The following NRCAM variants were observed in gnomAD, a reference collection of about 807,000 sequenced individuals.
The protein encoded by NRCAM is neuronal cell adhesion molecule.
In NRCAM, 83 loss-of-function variants were observed where a neutral mutation model predicts 156.5. The observed-to-expected ratio is 0.53, with a 90% CI of 0.44 to 0.64. The LOEUF is 0.64. NRCAM is among the 30% of genes least tolerant of loss of function. The probability of loss-of-function intolerance (pLI) is 0.00; values close to 1 mark genes in which losing one functional copy is unlikely to be tolerated. For synonymous variants in NRCAM, 538 were observed against 563.9 expected, an observed-to-expected ratio of 0.95 and a Z score of 0.65; for missense variants, 1,417 against 1,597.3, an observed-to-expected ratio of 0.89 and a Z score of 1.92.
At chr7:108,386,721 G>A (rs943426007) in intron 2 of NRCAM, among the ~76,000 whole-genome samples, 2 of 152,078 alleles carry the variant, frequency 1.3e-5, no homozygotes, top group South Asian at 4.1e-4. Context: ...AAGCATACAA[G>A]GTGTGTATGC....
Position 108,445,920 on chromosome 7 carries a change from A to T in NRCAM, c.-332+10323T>A, listed in dbSNP as rs1425678681. ...TAAAGCTACAGCATGAGAGCTTCTGATCTGTTTCACAAACCAGTCTCTTCA... is the reference window on the plus strand; with the variant it reads ...TAAAGCTACAGCATGAGAGCTTCTGTTCTGTTTCACAAACCAGTCTCTTCA... On this transcript the variant is annotated intron_variant, in intron 1 of 32. Coordinates refer to ENST00000379028, the MANE Select transcript of NRCAM (RefSeq NM_001037132.4). Among the ~76,000 whole-genome samples, 4 of 152,186 alleles carry T rather than the reference A, an allele frequency of 2.6e-5. No individual in the cohort carries two copies. The East Asian group carries it at 7.7e-4, about 29-fold the overall frequency.
intron 29 of NRCAM, among the ~76,000 whole-genome samples, chr7:108,168,068 G>T (rs958015312): frequency 6.6e-6 from 1 of 152,112 alleles, no homozygotes; most frequent in Non-Finnish European, 1.5e-5. Context: ...TATGCCCTCT[G>T]TTATTAATAA....
rs1219808874 is a variant in NRCAM, at chr7:108,456,401, G to A, written c.-490C>T. 6.6e-6 allele frequency: 1 copy of A among 150,920 alleles called. No homozygotes were observed. The highest frequency in any genetic ancestry group is 1.5e-5 in the Non-Finnish European group (1 of 67,562). 9.3% of individuals were successfully genotyped at this position (150,920 alleles called of 1,614,324 possible). A position where few individuals can be genotyped will look rare whatever the true frequency, so the allele number is the denominator to read the frequency against. ...CCGCGCGTCTGAGGCTCGGACTGCG[G>A]CGCGCGTCCGCCAGCGACCCTGGCG... On this transcript the variant is annotated 5_prime_UTR_variant, in exon 1 of 33. Transcript: ENST00000379028.
intron 2 of NRCAM, among the ~76,000 whole-genome samples, chr7:108,382,929 G>C: frequency 6.6e-6 from 1 of 152,158 alleles, no homozygotes; most frequent in South Asian, 2.1e-4. Context: ...TCATTTACTA[G>C]TTTGTGAATT....
At chr7:108,304,317 A>G (rs1450065363) in intron 3 of NRCAM, among the ~76,000 whole-genome samples, 1 of 151,934 alleles carries the variant, frequency 6.6e-6, no homozygotes, top group Non-Finnish European at 1.5e-5. Flanking sequence ...CCTACTGGTC[A>G]CCACTCTTTT....
chr7:108,158,319 T>C (rs1291442648), intron 32 of NRCAM, among the ~76,000 whole-genome samples: 1 of 152,088 alleles, frequency 6.6e-6, no homozygotes, highest in Non-Finnish European at 1.5e-5. Context: ...TATAAAAACT[T>C]AGGGGCTGAG....
At chr7:108,153,871 T>G (rs975838025) in intron 32 of NRCAM, among the ~76,000 whole-genome samples, 1 of 152,020 alleles carries the variant, frequency 6.6e-6, no homozygotes, top group Non-Finnish European at 1.5e-5. Flanking sequence ...CCAACAAAAA[T>G]ATGTGTAAGA....
chr7:108,427,057 A>G (rs923804977), intron 1 of NRCAM, among the ~76,000 whole-genome samples: 15 of 152,264 alleles, frequency 9.9e-5, no homozygotes, highest in African/African-American at 3.6e-4. Context: ...CTCAAGCCAG[A>G]GTTACTTACT....
intron 2 of NRCAM, among the ~76,000 whole-genome samples, chr7:108,377,198 T>C (rs1037139592): frequency 2.0e-5 from 3 of 152,104 alleles, no homozygotes; most frequent in Admixed American, 6.6e-5. Context: ...TGAAAATATA[T>C]CTGCATATTG....
chr7:108,389,927 G>T (rs1360892343), intron 2 of NRCAM, among the ~76,000 whole-genome samples: 1 of 152,124 alleles, frequency 6.6e-6, no homozygotes, highest in South Asian at 2.1e-4. Context: ...TGGTGGATAA[G>T]CTTTTTGATG....
At chr7:108,307,028 C>G (rs537897626) in intron 3 of NRCAM, among the ~76,000 whole-genome samples, 1 of 152,170 alleles carries the variant, frequency 6.6e-6, no homozygotes, top group Non-Finnish European at 1.5e-5. Flanking sequence ...GAAGAGCATT[C>G]CTCCTATGAA....
At chr7:108,169,906 C>G (rs1471963465) in intron 28 of NRCAM, among the ~76,000 whole-genome samples, 1 of 152,110 alleles carries the variant, frequency 6.6e-6, no homozygotes, top group East Asian at 1.9e-4. Context: ...AACACAAGAG[C>G]ATTTACTAAC....
intron 20 of NRCAM, among the ~76,000 whole-genome samples, chr7:108,185,120 G>T (rs1044605214): frequency 6.6e-6 from 1 of 151,974 alleles, no homozygotes; most frequent in African/African-American, 2.4e-5. Flanking sequence ...ATAATCAAAG[G>T]TTTAACACAC....
At chr7:108,327,698 T>A (rs1395378062) in intron 2 of NRCAM, among the ~76,000 whole-genome samples, 1 of 152,148 alleles carries the variant, frequency 6.6e-6, no homozygotes, top group Non-Finnish European at 1.5e-5. Context: ...TTATGATATT[T>A]TTTAAAAAAT....
chr7:108,309,150 C>G (rs1318182136), intron 3 of NRCAM, among the ~76,000 whole-genome samples: 1 of 152,144 alleles, frequency 6.6e-6, no homozygotes, highest in African/African-American at 2.4e-5. Context: ...AAGTTCATCA[C>G]GATCACAATA....
chr7:108,348,843 C>T (rs1282338970), intron 2 of NRCAM, among the ~76,000 whole-genome samples: 18 of 148,000 alleles, frequency 1.2e-4, no homozygotes, highest in Non-Finnish European at 4.4e-5. Context: ...GTGGAGGAAG[C>T]AGTGAGACGA....
chr7:108,243,686 G>A (rs1450540598), intron 3 of NRCAM, among the ~76,000 whole-genome samples: 1 of 152,150 alleles, frequency 6.6e-6, no homozygotes, highest in Non-Finnish European at 1.5e-5. Context: ...ATAAATGGTA[G>A]ATTCGTCTTC....
intron 1 of NRCAM, among the ~76,000 whole-genome samples, chr7:108,420,201 CTA>C (rs1172435829): frequency 6.6e-6 from 1 of 152,026 alleles, no homozygotes; most frequent in Non-Finnish European, 1.5e-5. Flanking sequence ...TGTCTGGCCT[CTA>C]TGAATATCTT....
At chr7:108,350,334 T>C (rs1180763274) in intron 2 of NRCAM, among the ~76,000 whole-genome samples, 2 of 152,212 alleles carry the variant, frequency 1.3e-5, no homozygotes, top group East Asian at 3.8e-4. Flanking sequence ...GGAACAGTGA[T>C]GGCTTCCTTC....
Sources: gnomAD v4.1 joint callset for allele counts (sites outside exome capture counted in the v4.1 genomes callset) on GRCh38, gnomAD v4.1.1 for gene constraint, MANE v1.5 for transcripts, NCBI Gene and HGNC (gene_info 2026-07-23, HGNC 2026-07-21) for gene names.